DOCK1: variants seen among roughly 807,000 people sequenced by gnomAD.
DOCK1 encodes the protein dedicator of cytokinesis protein 1.
Under a neutral mutation model 262.7 loss-of-function variants are expected in DOCK1, and 138 were observed. The ratio of observed to expected loss-of-function variants is 0.53; its 90% CI spans 0.46 to 0.61. DOCK1 has a LOEUF of 0.61. DOCK1 is among the 20% of genes least tolerant of loss of function. DOCK1 has a pLI of 0.00. For synonymous variants in DOCK1, 866 were observed against 867.4 expected (o/e 1.00, Z 0.03); for missense variants, 1,908 against 2,370.7 (o/e 0.80, Z 4.05).
chr10:126,993,314 C>T (rs186608971), intron 6 of DOCK1, among the ~76,000 whole-genome samples: 441 of 152,344 alleles, frequency 2.9e-3, no homozygotes, highest in Non-Finnish European at 4.8e-3. Flanking sequence ...CCAGCACTGA[C>T]GTGCCCATAC....
At chr10:126,992,264 C>T (rs908626579) in intron 6 of DOCK1, among the ~76,000 whole-genome samples, 1 of 152,074 alleles carries the variant, frequency 6.6e-6, no homozygotes, top group Non-Finnish European at 1.5e-5. Context: ...AACTTATGTT[C>T]AGAGACCACC....
chr10:127,273,229 GGGCT>G (rs2060631075), intron 29 of DOCK1, among the ~76,000 whole-genome samples: 1 of 152,228 alleles, frequency 6.6e-6, no homozygotes, highest in Non-Finnish European at 1.5e-5. Context: ...ATGTAGGGCT[GGGCT>G]CCTTGGACCG....
intron 43 of DOCK1, 87 bp downstream of exon 43, chr10:127,411,011 GAGGC>G: frequency 1.5e-6 from 2 of 1,331,032 alleles, no homozygotes; most frequent in South Asian, 1.3e-5. Flanking sequence ...CGTGGCCTCA[GAGGC>G]AGCCACGGAG....
rs35535729 is a variant in DOCK1, at chr10:127,422,158, C to CTTTTTT, written c.4776+2431_4776+2436dup. On this transcript the variant is annotated intron_variant, in intron 46 of 51. Transcript: ENST00000623213. ...CAACAAGACTTGTTATTTTGTTTGTCTTTTTTTTTTTTTTTTTTTTTTTTT... is the reference window on the plus strand; with the variant it reads ...CAACAAGACTTGTTATTTTGTTTGTCTTTTTTTTTTTTTTTTTTTTTTTTTTTTTTT... Among the ~76,000 whole-genome samples the CTTTTTT allele has an allele frequency of 2.8e-4, 17 of 61,370 alleles. 2 individuals are homozygous for CTTTTTT. The highest frequency in any genetic ancestry group is 4.3e-4 in the Non-Finnish European group (15 of 34,546). 40.3% of individuals were successfully genotyped at this position (61,370 alleles called of 152,430 possible). A position where few individuals can be genotyped will look rare whatever the true frequency, so the allele number is the denominator to read the frequency against.
intron 16 of DOCK1, among the ~76,000 whole-genome samples, chr10:127,026,701 A>G (rs1239411411): frequency 6.6e-6 from 1 of 152,090 alleles, no homozygotes; most frequent in African/African-American, 2.4e-5. Flanking sequence ...CCATCCATCC[A>G]TGCCATCCAT....
chr10:127,347,935 G>C (rs540255608), intron 31 of DOCK1, among the ~76,000 whole-genome samples: 2 of 125,074 alleles, frequency 1.6e-5, no homozygotes, highest in Admixed American at 1.8e-4. Context: ...ACATCTGCTT[G>C]GTCCACAGCT....
At chr10:126,918,711 A>G (rs61875475) in intron 1 of DOCK1, among the ~76,000 whole-genome samples, 15,100 of 152,226 alleles carry the variant, frequency 0.099, 779 homozygotes, top group Middle Eastern at 0.13. Flanking sequence ...GCCATTGCCA[A>G]CTGTCCCGGG....
At chr10:127,348,728 T>TC (rs2063754244) in intron 31 of DOCK1, among the ~76,000 whole-genome samples, 1 of 152,070 alleles carries the variant, frequency 6.6e-6, no homozygotes, top group Non-Finnish European at 1.5e-5. Context: ...GACCAAAATA[T>TC]CCCCATCTGA....
intron 33 of DOCK1, among the ~76,000 whole-genome samples, chr10:127,372,366 AC>A (rs2065253751): frequency 6.6e-6 from 1 of 152,180 alleles, no homozygotes; most frequent in Admixed American, 6.5e-5. Context: ...AGTGTCTGTC[AC>A]AGGCACTCTG....
chr10:127,444,361 T>C, intron 50 of DOCK1, 82 bp downstream of exon 50: 1 of 1,453,426 alleles, frequency 6.9e-7, no homozygotes, highest in South Asian at 1.4e-5. Flanking sequence ...TTAGAAGCGC[T>C]TCCTCCCTCC....
At chr10:127,081,041 T>C (rs1369462909) in intron 23 of DOCK1, among the ~76,000 whole-genome samples, 1 of 152,188 alleles carries the variant, frequency 6.6e-6, no homozygotes, top group African/African-American at 2.4e-5. Context: ...GAACCCATGG[T>C]GCTGTATTTT....
chr10:127,325,420 A>G (rs890490231), intron 29 of DOCK1, among the ~76,000 whole-genome samples: 1 of 152,264 alleles, frequency 6.6e-6, no homozygotes, highest in African/African-American at 2.4e-5. Context: ...AGCTTATTTA[A>G]TGGTTACCAC....
intron 27 of DOCK1, among the ~76,000 whole-genome samples, chr10:127,178,430 G>C (rs926309399): frequency 8.5e-5 from 13 of 152,124 alleles, no homozygotes; most frequent in African/African-American, 3.1e-4. Context: ...GCAGTCCCTG[G>C]CTTCTCCCCA....
At chr10:127,106,096 T>C in intron 23 of DOCK1, 135 bp from the exon 24 acceptor site, 1 of 865,274 alleles carries the variant, frequency 1.2e-6, no homozygotes, top group Non-Finnish European at 1.8e-6. Flanking sequence ...TTCATCGTGT[T>C]AGCCGTCAGC....
chr10:126,967,732 G>A (rs1041729982), intron 1 of DOCK1, among the ~76,000 whole-genome samples: 8 of 152,022 alleles, frequency 5.3e-5, no homozygotes, highest in African/African-American at 1.2e-4. Context: ...TGACCCTCCC[G>A]TCTTCCTCTT....
chr10:127,424,718 G>T (rs2068714327), intron 46 of DOCK1, among the ~76,000 whole-genome samples: 1 of 152,192 alleles, frequency 6.6e-6, no homozygotes, highest in African/African-American at 2.4e-5. Context: ...AATTCATAGG[G>T]AATATTAAAA....
chr10:127,088,699 C>T (rs903889176), intron 23 of DOCK1, among the ~76,000 whole-genome samples: 1 of 152,042 alleles, frequency 6.6e-6, no homozygotes, highest in African/African-American at 2.4e-5. Context: ...TTATGCTGAC[C>T]TTTTCATGAT....
At chr10:127,262,043 T>C (rs1438951221) in intron 29 of DOCK1, among the ~76,000 whole-genome samples, 1 of 146,956 alleles carries the variant, frequency 6.8e-6, no homozygotes, top group Non-Finnish European at 1.5e-5. Flanking sequence ...TGTGTGTGTG[T>C]GTGTACCTGT....
chr10:127,257,262 C>CT (rs1268807099), intron 28 of DOCK1, 73 bp from the exon 29 acceptor site: 1 of 1,211,438 alleles, frequency 8.3e-7, no homozygotes, highest in East Asian at 2.6e-5. Context: ...ATTTTATAAT[C>CT]TAATTGACAG....
Sources: allele counts gnomAD v4.1 joint callset (sites outside exome capture counted in the v4.1 genomes callset), GRCh38; gene constraint gnomAD v4.1.1; transcripts MANE v1.5; gene names NCBI Gene and HGNC (gene_info 2026-07-23, HGNC 2026-07-21).